MYO5B: variants seen among roughly 807,000 people sequenced by gnomAD.
MYO5B encodes unconventional myosin-Vb.
MYO5B carries 143 observed loss-of-function variants against 229.3 expected under a neutral mutation model. That is an observed-to-expected ratio of 0.62 (90% CI 0.54 to 0.72). The LOEUF (loss-of-function observed/expected upper bound fraction) is 0.72, where lower values mean the gene tolerates loss of function less well. Ranked by LOEUF, MYO5B falls within the 30% of genes least tolerant of loss-of-function variation. The pLI, the probability that MYO5B is intolerant of heterozygous loss-of-function variation, is 0.00. For missense variants in MYO5B, 2,321 were observed against 2,331.0 expected (o/e 1.00, Z 0.09); for synonymous variants, 918 against 885.2 (o/e 1.04, Z -0.66).
At chr18:49,930,123 C>T (rs1403019158) in intron 16 of MYO5B, among the ~76,000 whole-genome samples, 2 of 152,152 alleles carry the variant, frequency 1.3e-5, no homozygotes, top group East Asian at 1.9e-4. Context: ...TCCCCTTGGG[C>T]CTCAGTACCC....
intron 1 of MYO5B, among the ~76,000 whole-genome samples, chr18:50,159,442 G>A (rs1033039414): frequency 6.6e-6 from 1 of 151,988 alleles, no homozygotes; most frequent in African/African-American, 2.4e-5. Context: ...CCCAGGCTGG[G>A]CCTAAATATA....
chr18:49,978,438 T>C (rs4591251), intron 9 of MYO5B, among the ~76,000 whole-genome samples: 126,172 of 151,864 alleles, frequency 0.83, 53,842 homozygotes, highest in South Asian at 0.95. Flanking sequence ...CAGGTAGGTG[T>C]CCACGGACTC....
intron 14 of MYO5B, among the ~76,000 whole-genome samples, chr18:49,948,294 A>G (rs2025396969): frequency 6.6e-6 from 1 of 152,138 alleles, no homozygotes. Flanking sequence ...CTTTCAATCA[A>G]TTCTTTTTAC....
chr18:50,166,075 A>C (rs114266403), intron 1 of MYO5B, among the ~76,000 whole-genome samples: 1,581 of 152,302 alleles, frequency 0.01, 29 homozygotes, highest in African/African-American at 0.036. Context: ...TTCAGCAACC[A>C]GAAAAGTCAT....
intron 39 of MYO5B, among the ~76,000 whole-genome samples, chr18:49,833,114 T>C (rs2023942903): frequency 6.6e-6 from 1 of 152,114 alleles, no homozygotes; most frequent in Non-Finnish European, 1.5e-5. Context: ...TTAGAGAGTA[T>C]AAAAATGGGA....
chr18:49,965,817 A>C (rs2025618627), intron 10 of MYO5B, among the ~76,000 whole-genome samples: 1 of 152,180 alleles, frequency 6.6e-6, no homozygotes, highest in Admixed American at 6.5e-5. Context: ...GGCTGTGAAT[A>C]TGGAGGATGA....
chr18:49,901,071 G>A (rs1012488742), intron 21 of MYO5B, among the ~76,000 whole-genome samples: 3 of 152,324 alleles, frequency 2.0e-5, no homozygotes, highest in Non-Finnish European at 2.9e-5. Context: ...AAATAAGAGT[G>A]AACACAAAAC....
intron 1 of MYO5B, among the ~76,000 whole-genome samples, chr18:50,114,406 T>C (rs919993998): frequency 4.6e-5 from 7 of 152,216 alleles, no homozygotes; most frequent in Admixed American, 1.3e-4. Context: ...AAAGCCGCAC[T>C]GACTCCTCCA....
intron 2 of MYO5B, 104 bp from the exon 3 acceptor site, chr18:50,040,418 T>C (rs2029978955): frequency 1.8e-6 from 2 of 1,123,716 alleles, no homozygotes; most frequent in East Asian, 4.7e-5. Context: ...AACATGATAG[T>C]AAGTAATGAA....
rs145166130 is a variant in MYO5B, at chr18:50,070,440, G to C, written c.28-15062C>G. 4.4e-3 allele frequency among the ~76,000 whole-genome samples: 669 copies of C among 152,144 alleles called. 7 individuals carry two copies. The highest frequency in any genetic ancestry group is 0.013 in the African/African-American group (560 of 41,498). ...GGGGTGGGGGACAAAACTGTCCCCA[G>C]AGGACACGTGGCAATGTCTTTAGAC... On this transcript the variant is annotated intron_variant, in intron 1 of 39. Coordinates refer to ENST00000285039, the MANE Select transcript of MYO5B (RefSeq NM_001080467.3).
chr18:49,962,439 T>G (rs778379002), intron 11 of MYO5B, 33 bp from the exon 12 acceptor site: 11 of 1,613,980 alleles, frequency 6.8e-6, no homozygotes, highest in Non-Finnish European at 9.3e-6. Context: ...ACGAGTGAAC[T>G]GCAGGCACAC....
At chr18:50,060,422 TA>T (rs1163754717) in intron 1 of MYO5B, among the ~76,000 whole-genome samples, 1 of 152,242 alleles carries the variant, frequency 6.6e-6, no homozygotes, top group Non-Finnish European at 1.5e-5. Flanking sequence ...CCAGATTTAC[TA>T]TAAGCCAACA....
At chr18:49,912,451 T>C (rs1480117264) in intron 17 of MYO5B, among the ~76,000 whole-genome samples, 2 of 152,184 alleles carry the variant, frequency 1.3e-5, no homozygotes, top group Non-Finnish European at 2.9e-5. Context: ...ATGCCTGATA[T>C]GGTTTGGCTG....
chr18:49,925,505 A>C (rs1454824178), intron 17 of MYO5B, among the ~76,000 whole-genome samples: 2 of 152,236 alleles, frequency 1.3e-5, no homozygotes, highest in Non-Finnish European at 2.9e-5. Flanking sequence ...GGCTCAGAAG[A>C]AATCTCTTCA....
At chr18:50,132,716 T>C (rs1040039887) in intron 1 of MYO5B, among the ~76,000 whole-genome samples, 5 of 152,190 alleles carry the variant, frequency 3.3e-5, no homozygotes, top group African/African-American at 1.2e-4. Flanking sequence ...AGCAAGTGGA[T>C]AGAGAAAATT....
chr18:50,052,351 T>C (rs1346412490), intron 2 of MYO5B, among the ~76,000 whole-genome samples: 2 of 147,168 alleles, frequency 1.4e-5, no homozygotes, highest in African/African-American at 5.0e-5. Flanking sequence ...GTGGCACATA[T>C]ACACCATGAA....
Position 50,195,072 on chromosome 18 carries a change from G to A in MYO5B, c.-279C>T, listed in dbSNP as rs1433197273. On this transcript the variant is annotated 5_prime_UTR_variant, in exon 1 of 40. Transcript: ENST00000285039. The stretch of plus-strand genomic sequence containing the variant: ...CCGCACCACTCCCCTCCCAGGTGTG[G>A]GGAGGAGGCGAGGGCCGGCGAGGAG... 9.7e-6 allele frequency: 3 copies of A among 310,444 alleles called. No individual in the cohort carries two copies. The highest frequency in any genetic ancestry group is 5.2e-5 in the Admixed American group (1 of 19,402). The allele number at this position is 310,444 out of a possible 1,614,324, so 19.2% of individuals were successfully genotyped here.
chr18:50,118,992 C>T (rs1402320349), intron 1 of MYO5B, among the ~76,000 whole-genome samples: 1 of 152,206 alleles, frequency 6.6e-6, no homozygotes, highest in East Asian at 1.9e-4. Context: ...CATTTAACCT[C>T]TCTGGTCTTG....
chr18:50,039,297 G>C (rs189141254), intron 3 of MYO5B, among the ~76,000 whole-genome samples: 67 of 152,270 alleles, frequency 4.4e-4, no homozygotes, highest in African/African-American at 1.6e-3. Context: ...CAGAATTTGT[G>C]ATATAGGAAA....
Sources: allele counts gnomAD v4.1 joint callset (sites outside exome capture counted in the v4.1 genomes callset), GRCh38; gene constraint gnomAD v4.1.1; transcripts MANE v1.5; gene names NCBI Gene and HGNC (gene_info 2026-07-23, HGNC 2026-07-21).